GNB1: variants seen among roughly 807,000 people sequenced by gnomAD.
GNB1 encodes the protein G protein subunit beta 1.
In GNB1, 2 loss-of-function variants were observed where a neutral mutation model predicts 42.9. The ratio of observed to expected loss-of-function variants is 0.05; its 90% CI spans 0.02 to 0.15. GNB1 has a LOEUF of 0.15. Ranked by LOEUF, GNB1 falls within the 10% of genes least tolerant of loss-of-function variation. The pLI, the probability that GNB1 is intolerant of heterozygous loss-of-function variation, is 1.00. For missense variants in GNB1, 193 were observed against 462.2 expected (o/e 0.42, Z 5.34); for synonymous variants, 183 against 174.7 (o/e 1.05, Z -0.38).
intron 1 of GNB1, among the ~76,000 whole-genome samples, chr1:1,885,439 T>C (rs953547675): frequency 2.9e-5 from 4 of 140,340 alleles, no homozygotes; most frequent in African/African-American, 7.9e-5. Context: ...AAAAAAGGAA[T>C]TACCTTAGAT....
chr1:1,878,119 C>T (rs936339271), intron 1 of GNB1, among the ~76,000 whole-genome samples: 2 of 152,168 alleles, frequency 1.3e-5, no homozygotes, highest in Admixed American at 6.6e-5. Context: ...TAAGATGGAG[C>T]TATTAACAGC....
intron 4 of GNB1, 45 bp downstream of exon 4, chr1:1,817,792 C>T: frequency 2.1e-6 from 3 of 1,449,034 alleles, no homozygotes; most frequent in Non-Finnish European, 2.9e-6. Context: ...GCCGTGCTAG[C>T]CTCCTCACAG....
chr1:1,798,637 G>C (rs1646579455), intron 7 of GNB1, among the ~76,000 whole-genome samples: 2 of 152,248 alleles, frequency 1.3e-5, no homozygotes, highest in Non-Finnish European at 2.9e-5. Context: ...AGCAAGCGTT[G>C]AGTCTCCCTG....
chr1:1,835,802 G>A (rs1374050985), intron 2 of GNB1, among the ~76,000 whole-genome samples: 4 of 151,526 alleles, frequency 2.6e-5, no homozygotes, highest in Non-Finnish European at 5.9e-5. Context: ...GCCAGGTGCA[G>A]TGACTCATGA....
chr1:1,798,743 C>T (rs1646580963), intron 7 of GNB1, among the ~76,000 whole-genome samples: 1 of 152,160 alleles, frequency 6.6e-6, no homozygotes, highest in South Asian at 2.1e-4. Context: ...GCTCTTGTTG[C>T]CCAGGCTGGA....
chr1:1,857,860 A>T (rs1425297515), intron 1 of GNB1, among the ~76,000 whole-genome samples: 1 of 152,154 alleles, frequency 6.6e-6, no homozygotes, highest in African/African-American at 2.4e-5. Context: ...AGAAATTAAC[A>T]ATAATAACTA....
intron 1 of GNB1, among the ~76,000 whole-genome samples, chr1:1,866,010 C>T (rs1648920885): frequency 6.6e-6 from 1 of 151,670 alleles, no homozygotes; most frequent in Non-Finnish European, 1.5e-5. Context: ...GCAACGTTGG[C>T]TCACTGCAAC....
chr1:1,817,402 CAT>C (rs1646872360), intron 4 of GNB1, among the ~76,000 whole-genome samples: 1 of 152,096 alleles, frequency 6.6e-6, no homozygotes, highest in South Asian at 2.1e-4. Flanking sequence ...CTGCTATGTA[CAT>C]GTGTGTGTTT....
chr1:1,865,625 T>C (rs1439070899), intron 1 of GNB1, among the ~76,000 whole-genome samples: 1 of 152,150 alleles, frequency 6.6e-6, no homozygotes, highest in Admixed American at 6.6e-5. Flanking sequence ...ATGTTCACAA[T>C]ACCAGCATCC....
chr1:1,805,248 C>G (rs985127536), intron 6 of GNB1, among the ~76,000 whole-genome samples: 1 of 152,048 alleles, frequency 6.6e-6, no homozygotes, highest in African/African-American at 2.4e-5. Context: ...CACCTGAGGT[C>G]AGGAATTCGA....
At chr1:1,801,346 A>G (rs1161438750) in intron 7 of GNB1, among the ~76,000 whole-genome samples, 1 of 152,274 alleles carries the variant, frequency 6.6e-6, no homozygotes, top group Middle Eastern at 3.4e-3. Flanking sequence ...TGCTTTTCAT[A>G]TTTATTCACA....
At chr1:1,864,337 G>GAAAAA (rs1245850367) in intron 1 of GNB1, among the ~76,000 whole-genome samples, 1 of 91,160 alleles carries the variant, frequency 1.1e-5, no homozygotes, top group Non-Finnish European at 2.1e-5. Flanking sequence ...AAAAAAAAAA[G>GAAAAA]AAGAAAACCC....
chr1:1,864,924 G>T (rs1648839737), intron 1 of GNB1, among the ~76,000 whole-genome samples: 1 of 152,152 alleles, frequency 6.6e-6, no homozygotes. Context: ...TGATTGCCTT[G>T]TACAGAGTTA....
At chr1:1,885,757 A>C (rs1650117838) in intron 1 of GNB1, among the ~76,000 whole-genome samples, 1 of 149,734 alleles carries the variant, frequency 6.7e-6, no homozygotes, top group Non-Finnish European at 1.5e-5. Context: ...ATGGGGTTTC[A>C]CCGTGTTAGC....
At chr1:1,806,391 A>T in intron 6 of GNB1, 84 bp downstream of exon 6, 1 of 824,328 alleles carries the variant, frequency 1.2e-6, no homozygotes, top group Non-Finnish European at 2.1e-6. Context: ...ATCCTGTATT[A>T]CGTGATTTAA....
chr1:1,800,327 T>A (rs1646606691), intron 7 of GNB1, among the ~76,000 whole-genome samples: 1 of 151,830 alleles, frequency 6.6e-6, no homozygotes, highest in Non-Finnish European at 1.5e-5. Context: ...AGCAGGAAAA[T>A]AAAAAATTTC....
At chr1:1,855,245 G>A (rs12125178) in intron 1 of GNB1, among the ~76,000 whole-genome samples, 20,886 of 149,244 alleles carry the variant, frequency 0.14, 1,750 homozygotes, top group Middle Eastern at 0.3. Flanking sequence ...CACTTGAACC[G>A]GGGAGGTGGA....
intron 1 of GNB1, among the ~76,000 whole-genome samples, chr1:1,859,260 G>T (rs1648474311): frequency 6.6e-6 from 1 of 152,128 alleles, no homozygotes; most frequent in Non-Finnish European, 1.5e-5. Flanking sequence ...GACCTCAAGT[G>T]ATCCACCCGC....
At chr1:1,887,381 G>C (rs1268897488) in intron 1 of GNB1, among the ~76,000 whole-genome samples, 1 of 152,130 alleles carries the variant, frequency 6.6e-6, no homozygotes, top group Non-Finnish European at 1.5e-5. Context: ...TATCAAAGCT[G>C]TTTTTAGCTA....
Sources: gnomAD v4.1 joint callset for allele counts (sites outside exome capture counted in the v4.1 genomes callset) on GRCh38, gnomAD v4.1.1 for gene constraint, MANE v1.5 for transcripts, NCBI Gene and HGNC (gene_info 2026-07-23, HGNC 2026-07-21) for gene names.